TRIM2: variants seen among roughly 807,000 people sequenced by gnomAD.
The protein encoded by TRIM2 is tripartite motif-containing protein 2.
Under a neutral mutation model 75.2 loss-of-function variants are expected in TRIM2, and 20 were observed. That is an observed-to-expected ratio of 0.27 (90% CI 0.19 to 0.39). The LOEUF is 0.39. TRIM2 is among the 10% of genes least tolerant of loss of function. The pLI, the probability that TRIM2 is intolerant of heterozygous loss-of-function variation, is 1.00. For synonymous variants in TRIM2, 373 were observed against 388.3 expected, an observed-to-expected ratio of 0.96 and a Z score of 0.46; for missense variants, 660 against 990.8, an observed-to-expected ratio of 0.67 and a Z score of 4.48.
In TRIM2 at chr4:153,244,421, T is replaced by TTCTTCTTCTTCTTCTTCC. The variant is rs1560875635; in HGVS notation, c.31-25898_31-25897insCCTCTTCTTCTTCTTCTT. Among the ~76,000 whole-genome samples the TTCTTCTTCTTCTTCTTCC allele has an allele frequency of 1.1e-3, 97 of 89,164 alleles. 9 individuals carry two copies. The highest frequency in any genetic ancestry group is 2.2e-3 in the African/African-American group (46 of 21,066). 58.5% of individuals were successfully genotyped at this position (89,164 alleles called of 152,430 possible). ...CTTCTTCTTCTTCTTCTTCTTCTTC[T>TTCTTCTTCTTCTTCTTCC]TCTTCTTCTTCTTCTTTTAATTAGA... On this transcript the variant is annotated intron_variant, in intron 1 of 11. Coordinates refer to ENST00000338700, the MANE Select transcript of TRIM2 (RefSeq NM_015271.5).
At chr4:153,289,059 A>G (rs1761290301) in intron 3 of TRIM2, among the ~76,000 whole-genome samples, 1 of 152,016 alleles carries the variant, frequency 6.6e-6, no homozygotes, top group Admixed American at 6.5e-5. Context: ...AGTAAGTCCA[A>G]TCTGGGCTTC....
chr4:153,338,608 T>C lies in TRIM2; in HGVS notation c.*3642T>C, dbSNP rs1239666564. Reference sequence around the variant, plus strand: ...AACTAAGTGCCCATCAAAGATTTGTTTGGTATAAATAAAGAATTATTTGTT... The same window carrying C: ...AACTAAGTGCCCATCAAAGATTTGTCTGGTATAAATAAAGAATTATTTGTT... On this transcript the variant is annotated 3_prime_UTR_variant, in exon 12 of 12. Coordinates refer to ENST00000338700, the MANE Select transcript of TRIM2 (RefSeq NM_015271.5). 1 of 985,206 alleles carries C rather than the reference T, an allele frequency of 1.0e-6. No homozygotes were observed. The highest frequency in any genetic ancestry group is 1.1e-4 in the East Asian group (1 of 8,826). The allele number at this position is 985,206 out of a possible 1,614,324, so 61.0% of individuals were successfully genotyped here.
chr4:153,270,622 A>G (rs1756445704), intron 2 of TRIM2, 103 bp downstream of exon 2: 2 of 1,036,124 alleles, frequency 1.9e-6, no homozygotes, highest in African/African-American at 3.2e-5. Flanking sequence ...TTGAGAGAAA[A>G]CTAATCTCTT....
chr4:153,328,894 C>G (rs1348730035), intron 11 of TRIM2, among the ~76,000 whole-genome samples: 1 of 152,020 alleles, frequency 6.6e-6, no homozygotes, highest in East Asian at 1.9e-4. Context: ...CACAGACCCC[C>G]ACAAAGGGTC....
At chr4:153,159,412 C>T (rs1308404662) in intron 1 of TRIM2, among the ~76,000 whole-genome samples, 1 of 147,300 alleles carries the variant, frequency 6.8e-6, no homozygotes, top group African/African-American at 2.5e-5. Flanking sequence ...GTGATCCTCT[C>T]GTGTCAACCT....
At chr4:153,241,394 T>TG (rs1201219465) in intron 1 of TRIM2, among the ~76,000 whole-genome samples, 1 of 152,156 alleles carries the variant, frequency 6.6e-6, no homozygotes, top group Non-Finnish European at 1.5e-5. Context: ...CGTTGGGGGA[T>TG]GGTCCTGCCC....
intron 1 of TRIM2, among the ~76,000 whole-genome samples, chr4:153,224,201 C>T (rs1741491536): frequency 6.6e-6 from 1 of 152,182 alleles, no homozygotes; most frequent in African/African-American, 2.4e-5. Context: ...CTACCTCACC[C>T]TTAACTAGAG....
At chr4:153,212,646 ACT>A (rs1737373396) in intron 1 of TRIM2, among the ~76,000 whole-genome samples, 4 of 152,158 alleles carry the variant, frequency 2.6e-5, no homozygotes, top group Middle Eastern at 3.4e-3. Context: ...ACGAAGTGAG[ACT>A]CTGTCTCTAG....
chr4:153,307,759 A>C (rs1765340705), intron 6 of TRIM2: 9 of 678,168 alleles, frequency 1.3e-5, no homozygotes, highest in Non-Finnish European at 2.5e-5. Context: ...GCTGTGTCGG[A>C]CTTCAGCCAT....
intron 11 of TRIM2, among the ~76,000 whole-genome samples, chr4:153,329,412 C>T (rs1770943271): frequency 6.6e-6 from 1 of 151,738 alleles, no homozygotes; most frequent in Admixed American, 6.6e-5. Flanking sequence ...AAAAACAATG[C>T]TGAGAGGGAA....
intron 1 of TRIM2, among the ~76,000 whole-genome samples, chr4:153,206,587 G>T (rs185608394): frequency 6.6e-6 from 1 of 152,002 alleles, no homozygotes; most frequent in Non-Finnish European, 1.5e-5. Flanking sequence ...CTCCAGACCC[G>T]CTCCTTTGGG....
chr4:153,197,388 G>A (rs1733884481), intron 1 of TRIM2, among the ~76,000 whole-genome samples: 1 of 152,186 alleles, frequency 6.6e-6, no homozygotes, highest in Non-Finnish European at 1.5e-5. Flanking sequence ...GCCCTTCAAT[G>A]TCACTGAAGG....
At chr4:153,274,551 G>A (rs1232551675) in intron 2 of TRIM2, among the ~76,000 whole-genome samples, 1 of 152,232 alleles carries the variant, frequency 6.6e-6, no homozygotes, top group Non-Finnish European at 1.5e-5. Flanking sequence ...CAAAGGAGAT[G>A]TCTGTGGGAA....
intron 1 of TRIM2, among the ~76,000 whole-genome samples, chr4:153,227,951 C>G (rs1742599603): frequency 6.6e-6 from 1 of 152,198 alleles, no homozygotes; most frequent in South Asian, 2.1e-4. Context: ...AGCATATGTC[C>G]AGGGTTCCCT....
Position 153,336,096 on chromosome 4 carries a change from T to C in TRIM2, c.*1130T>C, listed in dbSNP as rs1441214944. ...GTGTCAAGGGACTATGTATACATGA[T>C]TAGGGTAAGATAGAATGTATTATAT... On this transcript the variant is annotated 3_prime_UTR_variant, in exon 12 of 12. Coordinates refer to ENST00000338700, the MANE Select transcript of TRIM2 (RefSeq NM_015271.5). 2.0e-6 allele frequency: 2 copies of C among 982,816 alleles called. No individual in the cohort carries two copies. Among genetic ancestry groups the C allele is most frequent in the Non-Finnish European group, 2.4e-6 (2 of 828,464 alleles). 60.9% of individuals were successfully genotyped at this position (982,816 alleles called of 1,614,324 possible).
chr4:153,186,784 C>T (rs2149649256), intron 1 of TRIM2, among the ~76,000 whole-genome samples: 2 of 152,272 alleles, frequency 1.3e-5, no homozygotes, highest in South Asian at 4.1e-4. Context: ...AAAAAGCCTG[C>T]TCCTCTAGAC....
At chr4:153,202,556 G>A (rs550065119), upstream of TRIM2, among the ~76,000 whole-genome samples, 5 of 151,962 alleles carry the variant, frequency 3.3e-5, no homozygotes, top group Admixed American at 6.6e-5. Context: ...AAAATTAGCC[G>A]GGCATGGCGG....
chr4:153,168,663 G>A (rs1379152485), intron 1 of TRIM2, among the ~76,000 whole-genome samples: 1 of 150,000 alleles, frequency 6.7e-6, no homozygotes, highest in East Asian at 1.9e-4. Context: ...AGGCAAGGGA[G>A]TGTCAAAGAA....
chr4:153,322,717 G>C lies in TRIM2; in HGVS notation c.1852G>C (p.Val618Leu). 3.1e-6 allele frequency: 5 copies of C among 1,614,204 alleles called. No individual in the cohort carries two copies. Among genetic ancestry groups the C allele is most frequent in the Non-Finnish European group, 4.2e-6 (5 of 1,180,048 alleles). The change falls in exon 9 of 12, where the codon GTT (valine) becomes CTT (leucine). Residue 618 changes from valine (V) to leucine (L), a missense_variant. Physicochemically the swap from Val to Leu is conservative, Grantham distance 32 (BLOSUM62 1). This residue lies in a region of TRIM2 where 620 missense variants were observed against 891.0 expected (regional missense o/e 0.70). Coordinates refer to ENST00000338700, the MANE Select transcript of TRIM2 (RefSeq NM_015271.5). Reference protein sequence around the residue: ...VSVDRNGHIIVVDNKACCVFI... With the variant: ...VSVDRNGHIILVDNKACCVFI... ...TGTGGACCGCAATGGGCACATTATT[G>C]TTGTGGACAACAAGGCGTGCTGCGT... is the stretch of plus-strand genomic sequence containing the variant.
Sources: allele counts gnomAD v4.1 joint callset (sites outside exome capture counted in the v4.1 genomes callset), GRCh38; gene constraint gnomAD v4.1.1; regional missense constraint gnomAD v4.1.1; transcripts MANE v1.5; gene names NCBI Gene and HGNC (gene_info 2026-07-23, HGNC 2026-07-21).